Variants in ACVR1 observed in about 807,000 individuals in gnomAD.
The protein encoded by ACVR1 is activin A receptor type 1.
Under a neutral mutation model 57.1 loss-of-function variants are expected in ACVR1, and 38 were observed. The ratio of observed to expected loss-of-function variants is 0.67; its 90% CI spans 0.51 to 0.87. The LOEUF (loss-of-function observed/expected upper bound fraction) is 0.87, where lower values mean the gene tolerates loss of function less well. Among genes scored for constraint, ACVR1 ranks in the 40% least tolerant of loss-of-function variants. The probability of loss-of-function intolerance (pLI) is 0.00; values close to 1 mark genes in which losing one functional copy is unlikely to be tolerated. For synonymous variants in ACVR1, 212 were observed against 228.1 expected (o/e 0.93, Z 0.63); for missense variants, 463 against 638.2 (o/e 0.73, Z 2.96).
intron 1 of ACVR1, among the ~76,000 whole-genome samples, chr2:157,855,080 A>G (rs549606339): frequency 1.3e-5 from 2 of 151,792 alleles, no homozygotes; most frequent in South Asian, 4.2e-4. Flanking sequence ...CACTCTCCCA[A>G]TGTTACAGGC....
At chr2:157,752,510 A>C (rs900482314) in intron 9 of ACVR1, among the ~76,000 whole-genome samples, 3 of 152,224 alleles carry the variant, frequency 2.0e-5, no homozygotes, top group African/African-American at 7.2e-5. Flanking sequence ...TTATTAAGCT[A>C]ATCAAGGAGG....
chr2:157,764,966 C>T (rs1685808138), intron 8 of ACVR1, among the ~76,000 whole-genome samples: 1 of 152,084 alleles, frequency 6.6e-6, no homozygotes, highest in South Asian at 2.1e-4. Context: ...CAAAAATAAA[C>T]TTTGTTATTT....
intron 1 of ACVR1, among the ~76,000 whole-genome samples, chr2:157,841,336 T>C (rs1285104203): frequency 1.3e-5 from 2 of 152,166 alleles, no homozygotes; most frequent in African/African-American, 4.8e-5. Context: ...CAAATCCTTA[T>C]AGTCATTATT....
At position 157,871,915 on chromosome 2, in the gene ACVR1, C is replaced by T. The variant is rs79689662; in HGVS notation, c.-183+3881G>A. ...GCTGTGATGTGCCAACCACACCAAA[C>T]TGATGAGGCTCTTTCAAAAGGAGTC... On this transcript the variant is annotated intron_variant, in intron 1 of 10. Coordinates refer to ENST00000434821, the MANE Select transcript of ACVR1 (RefSeq NM_001111067.4). Among the ~76,000 whole-genome samples the T allele has an allele frequency of 7.0e-3, 1,071 of 152,318 alleles. 13 individuals carry two copies. Among genetic ancestry groups the T allele is most frequent in the African/African-American group, 0.024 (997 of 41,564 alleles).
At chr2:157,854,539 G>A (rs968885716) in intron 1 of ACVR1, among the ~76,000 whole-genome samples, 10 of 151,888 alleles carry the variant, frequency 6.6e-5, no homozygotes, top group Non-Finnish European at 2.9e-5. Flanking sequence ...TGGCTAACAC[G>A]GTGAAACCCC....
chr2:157,805,317 C>T lies in ACVR1; in HGVS notation c.-7-5817G>A, dbSNP rs138269956. On this transcript the variant is annotated intron_variant, in intron 2 of 10. Coordinates refer to ENST00000434821, the MANE Select transcript of ACVR1 (RefSeq NM_001111067.4). ...GTACCTTCATTCAATAAGGACATTC[C>T]TGATACTCTTCTCAATTCAATTTCT... Among the ~76,000 whole-genome samples the T allele has an allele frequency of 6.4e-4, 98 of 152,276 alleles. 1 individual carries two copies. The highest frequency in any genetic ancestry group is 2.2e-3 in the African/African-American group (91 of 41,558).
chr2:157,797,837 A>G (rs1387075056), intron 3 of ACVR1, among the ~76,000 whole-genome samples: 2 of 152,152 alleles, frequency 1.3e-5, no homozygotes, highest in African/African-American at 4.8e-5. Flanking sequence ...CTTAACTGCC[A>G]AGGTGAGGGT....
intron 1 of ACVR1, among the ~76,000 whole-genome samples, chr2:157,827,956 G>A (rs1307644246): frequency 1.3e-5 from 2 of 152,126 alleles, no homozygotes; most frequent in Non-Finnish European, 2.9e-5. Flanking sequence ...TTCTTCTTAG[G>A]TATTTCTTTC....
chr2:157,839,981 T>C (rs1005434285), intron 1 of ACVR1, among the ~76,000 whole-genome samples: 1 of 152,168 alleles, frequency 6.6e-6, no homozygotes. Context: ...TGAGGTGTGG[T>C]TGAAAACCAA....
intron 3 of ACVR1, among the ~76,000 whole-genome samples, chr2:157,788,754 T>C (rs1686805269): frequency 6.6e-6 from 1 of 152,114 alleles, no homozygotes; most frequent in South Asian, 2.1e-4. Flanking sequence ...AGGGGGTTAC[T>C]GTATTTACTT....
intron 1 of ACVR1, among the ~76,000 whole-genome samples, chr2:157,819,218 T>G (rs1688064870): frequency 6.6e-6 from 1 of 151,964 alleles, no homozygotes; most frequent in African/African-American, 2.4e-5. Flanking sequence ...AAACAAAAAT[T>G]TTGACCCTGC....
At chr2:157,812,374 T>C (rs1262088768) in intron 2 of ACVR1, among the ~76,000 whole-genome samples, 5 of 151,866 alleles carry the variant, frequency 3.3e-5, no homozygotes, top group Non-Finnish European at 5.9e-5. Flanking sequence ...AAAGAGATAA[T>C]ACGAGACCAA....
chr2:157,741,218 T>A (rs537231515), intron 9 of ACVR1, among the ~76,000 whole-genome samples: 13 of 152,316 alleles, frequency 8.5e-5, no homozygotes, highest in African/African-American at 2.9e-4. Context: ...ATTTACTTTG[T>A]ACCTTGAAAG....
At chr2:157,777,431 A>C (rs944655595) in intron 5 of ACVR1, among the ~76,000 whole-genome samples, 2 of 152,266 alleles carry the variant, frequency 1.3e-5, no homozygotes, top group African/African-American at 2.4e-5. Context: ...AATTTACATT[A>C]ATAATTTTTT....
At chr2:157,777,102 T>C (rs1686318364) in intron 5 of ACVR1, among the ~76,000 whole-genome samples, 1 of 152,210 alleles carries the variant, frequency 6.6e-6, no homozygotes, top group Non-Finnish European at 1.5e-5. Context: ...GATAACCTTC[T>C]ATTTAGAGCA....
intron 6 of ACVR1, 92 bp from the exon 7 acceptor site, chr2:157,770,606 C>G: frequency 8.2e-7 from 1 of 1,223,954 alleles, no homozygotes; most frequent in Non-Finnish European, 1.2e-6. Context: ...GTGCATGCAA[C>G]TCTTAATCCC....
intron 2 of ACVR1, among the ~76,000 whole-genome samples, chr2:157,806,572 C>A (rs1687555225): frequency 6.6e-6 from 1 of 152,148 alleles, no homozygotes; most frequent in Non-Finnish European, 1.5e-5. Flanking sequence ...GCCACTGTAA[C>A]TGATTAGATA....
intron 9 of ACVR1, among the ~76,000 whole-genome samples, chr2:157,742,716 T>A (rs1046384008): frequency 6.6e-6 from 1 of 152,152 alleles, no homozygotes; most frequent in Admixed American, 6.5e-5. Context: ...AGATCAAATA[T>A]GTCCTAGACA....
chr2:157,783,376 C>T (rs773196081), intron 3 of ACVR1, among the ~76,000 whole-genome samples: 18 of 152,174 alleles, frequency 1.2e-4, no homozygotes, highest in Non-Finnish European at 1.8e-4. Flanking sequence ...GTTTGCCAGA[C>T]GTGACAGCCT....
Sources: gnomAD v4.1 joint callset for allele counts (sites outside exome capture counted in the v4.1 genomes callset) on GRCh38, gnomAD v4.1.1 for gene constraint, MANE v1.5 for transcripts, NCBI Gene and HGNC (gene_info 2026-07-23, HGNC 2026-07-21) for gene names.